ATG10: variants seen among roughly 807,000 people sequenced by gnomAD.
ATG10 encodes ubiquitin-like-conjugating enzyme ATG10.
Under a neutral mutation model 32.1 loss-of-function variants are expected in ATG10, and 30 were observed. The ratio of observed to expected loss-of-function variants is 0.94; its 90% CI spans 0.70 to 1.27. The LOEUF (loss-of-function observed/expected upper bound fraction) is 1.27, where lower values mean the gene tolerates loss of function less well. Ranked by LOEUF, ATG10 falls within the 50% of genes most tolerant of loss-of-function variation. The pLI, the probability that ATG10 is intolerant of heterozygous loss-of-function variation, is 0.00. For synonymous variants in ATG10, 87 were observed against 91.5 expected (o/e 0.95, Z 0.28); for missense variants, 233 against 262.3 (o/e 0.89, Z 0.77).
At chr5:82,006,399 C>G (rs1186115341) in intron 2 of ATG10, among the ~76,000 whole-genome samples, 5 of 152,158 alleles carry the variant, frequency 3.3e-5, no homozygotes, top group African/African-American at 1.2e-4. Flanking sequence ...TACCCATCAC[C>G]TAGCTTCCAC....
At chr5:81,998,436 C>T (rs1165013400) in intron 2 of ATG10, among the ~76,000 whole-genome samples, 1 of 152,164 alleles carries the variant, frequency 6.6e-6, no homozygotes, top group Non-Finnish European at 1.5e-5. Flanking sequence ...TAAAAACACA[C>T]TTAAGTACAT....
chr5:82,106,052 C>T (rs1442894049), intron 3 of ATG10, among the ~76,000 whole-genome samples: 4 of 152,150 alleles, frequency 2.6e-5, no homozygotes, highest in Admixed American at 1.3e-4. Flanking sequence ...TTGGCTTCTT[C>T]TGACTAAACT....
chr5:82,098,308 GTTTT>G (rs35693758), intron 3 of ATG10, among the ~76,000 whole-genome samples: 1 of 115,602 alleles, frequency 8.7e-6, no homozygotes, highest in Admixed American at 9.3e-5. Context: ...TTGTTGTTGG[GTTTT>G]TTTTTTTTTT....
intron 2 of ATG10, among the ~76,000 whole-genome samples, chr5:82,025,088 A>G (rs1225013977): frequency 6.6e-6 from 1 of 152,252 alleles, no homozygotes; most frequent in Non-Finnish European, 1.5e-5. Flanking sequence ...GGAATGGGAA[A>G]GCATGAATGA....
At chr5:82,125,085 G>A (rs1385064609) in intron 3 of ATG10, among the ~76,000 whole-genome samples, 1 of 152,098 alleles carries the variant, frequency 6.6e-6, no homozygotes, top group Non-Finnish European at 1.5e-5. Flanking sequence ...GCATAAATGT[G>A]TTCTTTTGAG....
intron 3 of ATG10, chr5:82,147,833 C>G (rs1371158651): frequency 6.6e-6 from 1 of 152,418 alleles, no homozygotes. Flanking sequence ...TGCCTGCCCT[C>G]CCCCAGTCCT....
At chr5:82,103,625 T>A (rs961372122) in intron 3 of ATG10, among the ~76,000 whole-genome samples, 1 of 151,112 alleles carries the variant, frequency 6.6e-6, no homozygotes, top group African/African-American at 2.4e-5. Context: ...CTTGGGTGGG[T>A]TTCCTTTAGA....
intron 3 of ATG10, among the ~76,000 whole-genome samples, chr5:82,129,839 A>T (rs1267706978): frequency 6.6e-6 from 1 of 152,046 alleles, no homozygotes; most frequent in Non-Finnish European, 1.5e-5. Context: ...CCACTTGAGG[A>T]GGCGGTCTGT....
rs115981809 is a variant in ATG10 at position 82,166,252 on chromosome 5, T to A, written c.355+1715T>A. 6.6e-3 allele frequency among the ~76,000 whole-genome samples: 1,004 copies of A among 152,364 alleles called. 9 individuals carry two copies. The highest frequency in any genetic ancestry group is 0.023 in the African/African-American group (945 of 41,586). ...TTAACATTCTTGGCTTCTATTTGTA[T>A]ACTTTTACAATGCCCTCCATTTATG... On this transcript the variant is annotated intron_variant, in intron 4 of 7. Transcript: ENST00000282185.
intron 3 of ATG10, among the ~76,000 whole-genome samples, chr5:82,108,598 G>T (rs1765511222): frequency 6.6e-6 from 1 of 151,992 alleles, no homozygotes; most frequent in African/African-American, 2.4e-5. Context: ...AGCATAGTCA[G>T]AGCTGAGGTG....
chr5:82,151,763 T>C (rs544045413), intron 3 of ATG10, among the ~76,000 whole-genome samples: 1 of 152,338 alleles, frequency 6.6e-6, no homozygotes, highest in African/African-American at 2.4e-5. Flanking sequence ...ACCCTTAACC[T>C]GTGTGTATGT....
intron 5 of ATG10, among the ~76,000 whole-genome samples, chr5:82,180,821 C>T (rs1744200704): frequency 6.6e-6 from 1 of 152,078 alleles, no homozygotes; most frequent in Non-Finnish European, 1.5e-5. Context: ...CTCCTTAATG[C>T]AGGCCTGTAT....
At chr5:82,056,987 A>G (rs1763622778) in intron 2 of ATG10, among the ~76,000 whole-genome samples, 1 of 151,742 alleles carries the variant, frequency 6.6e-6, no homozygotes, top group African/African-American at 2.4e-5. Context: ...GCTGGAATTT[A>G]AAACAGTAAT....
At chr5:82,222,619 T>C (rs903545634) in intron 5 of ATG10, among the ~76,000 whole-genome samples, 5 of 152,222 alleles carry the variant, frequency 3.3e-5, no homozygotes, top group Admixed American at 1.3e-4. Context: ...TAGAGAAAGA[T>C]TCATATATGT....
At chr5:82,138,227 G>C (rs1354173813) in intron 3 of ATG10, among the ~76,000 whole-genome samples, 1 of 152,164 alleles carries the variant, frequency 6.6e-6, no homozygotes, top group South Asian at 2.1e-4. Context: ...CTTTCCAGGG[G>C]AGTGAATGAT....
rs1166784267 is a variant in ATG10, at chr5:82,037,234, C to CTTTTTTTTTTTT, written c.109-21241_109-21230dup. Among the ~76,000 whole-genome samples the CTTTTTTTTTTTT allele has an allele frequency of 5.4e-5, 2 of 36,930 alleles. 1 individual carries two copies. The allele number at this position is 36,930 out of a possible 152,430, so 24.2% of individuals were successfully genotyped here. On this transcript the variant is annotated intron_variant, in intron 2 of 7. Transcript: ENST00000282185. ...ACTTTTTGTAATAAGATCTCATTTACTTTTTTTTTTTTTTTTTTTTTTTTT... is the reference window on the plus strand; with the variant it reads ...ACTTTTTGTAATAAGATCTCATTTACTTTTTTTTTTTTTTTTTTTTTTTTTTTTTTTTTTTTT...
At chr5:82,112,385 A>C (rs1765648186) in intron 3 of ATG10, among the ~76,000 whole-genome samples, 1 of 151,856 alleles carries the variant, frequency 6.6e-6, no homozygotes, top group African/African-American at 2.4e-5. Context: ...TGTAATTGTG[A>C]TAGGACTTTT....
At chr5:82,081,133 G>T (rs954410715) in intron 3 of ATG10, among the ~76,000 whole-genome samples, 4 of 152,142 alleles carry the variant, frequency 2.6e-5, no homozygotes, top group African/African-American at 9.7e-5. Context: ...AATTGTGAAT[G>T]GGAGTTCACT....
intron 3 of ATG10, among the ~76,000 whole-genome samples, chr5:82,061,426 A>G (rs766091531): frequency 1.3e-5 from 2 of 148,932 alleles, no homozygotes; most frequent in African/African-American, 5.0e-5. Flanking sequence ...TATGTCCTTT[A>G]TCTCTCCTTC....
Sources: allele counts gnomAD v4.1 joint callset (sites outside exome capture counted in the v4.1 genomes callset), GRCh38; gene constraint gnomAD v4.1.1; transcripts MANE v1.5; gene names NCBI Gene and HGNC (gene_info 2026-07-23, HGNC 2026-07-21).